ANGPT1: variants seen among roughly 807,000 people sequenced by gnomAD.
ANGPT1 encodes angiopoietin 1.
A neutral mutation model predicts 62.2 loss-of-function variants in ANGPT1; 17 were observed. The ratio of observed to expected loss-of-function variants is 0.27; its 90% confidence interval spans 0.19 to 0.41. The LOEUF is 0.41. ANGPT1 is among the 10% of genes least tolerant of loss of function. The pLI, the probability that ANGPT1 is intolerant of heterozygous loss-of-function variation, is 1.00. For synonymous variants in ANGPT1, 199 were observed against 198.9 expected (o/e 1.00, Z 0.00); for missense variants, 478 against 594.9 (o/e 0.80, Z 2.04).
At chr8:107,351,769 T>C (rs1815938204) in intron 1 of ANGPT1, among the ~76,000 whole-genome samples, 1 of 152,090 alleles carries the variant, frequency 6.6e-6, no homozygotes, top group Non-Finnish European at 1.5e-5. Flanking sequence ...CTCTCATTAG[T>C]TCTTACCTTT....
intron 6 of ANGPT1, among the ~76,000 whole-genome samples, chr8:107,290,545 T>C (rs2130164923): frequency 6.6e-6 from 1 of 152,266 alleles, no homozygotes; most frequent in East Asian, 1.9e-4. Flanking sequence ...ATTTTGTCTT[T>C]AGGTGAAAGA....
chr8:107,416,661 G>A (rs904986761), intron 1 of ANGPT1, among the ~76,000 whole-genome samples: 16 of 152,158 alleles, frequency 1.1e-4, no homozygotes, highest in Admixed American at 8.5e-4. Flanking sequence ...CTAATAGACT[G>A]AGAGGGGAAC....
At chr8:107,483,471 A>G (rs1166364888) in intron 1 of ANGPT1, among the ~76,000 whole-genome samples, 2 of 152,132 alleles carry the variant, frequency 1.3e-5, no homozygotes, top group Admixed American at 1.3e-4. Flanking sequence ...AGATACTGAC[A>G]GTTTCACCTT....
chr8:107,401,740 A>G (rs1254720894), intron 1 of ANGPT1, among the ~76,000 whole-genome samples: 1 of 152,216 alleles, frequency 6.6e-6, no homozygotes, highest in East Asian at 1.9e-4. Context: ...GAATGTACAC[A>G]TAACACTGCA....
At chr8:107,342,767 T>C (rs1391438659) in intron 2 of ANGPT1, among the ~76,000 whole-genome samples, 3 of 147,974 alleles carry the variant, frequency 2.0e-5, no homozygotes, top group African/African-American at 7.5e-5. Flanking sequence ...AACAAACTGT[T>C]CCTGAACTGC....
chr8:107,282,554 ATAT>A, intron 7 of ANGPT1, among the ~76,000 whole-genome samples: 1 of 10,358 alleles, frequency 9.7e-5, no homozygotes, highest in African/African-American at 3.1e-4. Flanking sequence ...TATATGAACC[ATAT>A]ATATATATAT....
intron 4 of ANGPT1, among the ~76,000 whole-genome samples, chr8:107,315,370 TTGTTATC>T (rs1173366104): frequency 1.3e-5 from 2 of 152,230 alleles, no homozygotes; most frequent in Middle Eastern, 3.4e-3. Flanking sequence ...CTACTTAAAG[TTGTTATC>T]TGTCCTTTCA....
chr8:107,253,761 A>T (rs1234334887), intron 8 of ANGPT1, among the ~76,000 whole-genome samples: 3 of 152,200 alleles, frequency 2.0e-5, no homozygotes, highest in African/African-American at 7.2e-5. Flanking sequence ...GGCAATAAAG[A>T]GCACAGGCTA....
intron 3 of ANGPT1, among the ~76,000 whole-genome samples, chr8:107,326,545 T>C (rs1325216289): frequency 2.0e-5 from 3 of 152,100 alleles, no homozygotes; most frequent in African/African-American, 7.2e-5. Context: ...AAAAGACTGC[T>C]CTCTTCTCTT....
At chr8:107,297,752 CAT>C (rs34606952) in intron 5 of ANGPT1, among the ~76,000 whole-genome samples, 20,244 of 145,962 alleles carry the variant, frequency 0.14, 1,574 homozygotes, top group East Asian at 0.35. Flanking sequence ...ATTATGTATG[CAT>C]ATATATATAT....
At chr8:107,334,127 G>A (rs544582966) in intron 3 of ANGPT1, among the ~76,000 whole-genome samples, 9 of 152,180 alleles carry the variant, frequency 5.9e-5, no homozygotes, top group African/African-American at 1.9e-4. Flanking sequence ...TTGTTTTGCA[G>A]TTAGGGAGGA....
intron 1 of ANGPT1, among the ~76,000 whole-genome samples, chr8:107,391,331 T>C (rs528727915): frequency 1.3e-5 from 2 of 152,214 alleles, no homozygotes; most frequent in Non-Finnish European, 2.9e-5. Flanking sequence ...ATTTTCCCAT[T>C]TATATTTTGT....
chr8:107,485,871 T>C (rs893820653), intron 1 of ANGPT1, among the ~76,000 whole-genome samples: 1 of 152,192 alleles, frequency 6.6e-6, no homozygotes, highest in Non-Finnish European at 1.5e-5. Context: ...CCTTTCTTTG[T>C]GTTTTAGAAG....
rs59247214 is a variant in ANGPT1, at chr8:107,299,391, G to GTATATA, written c.936+3843_936+3848dup. On this transcript the variant is annotated intron_variant, in intron 5 of 8. Transcript: ENST00000517746. ...TGTTGAAAAGAGTAAATGAAGGAGTGTATATATATATATATATATATATAT... is the reference window on the plus strand; with the variant it reads ...TGTTGAAAAGAGTAAATGAAGGAGTGTATATATATATATATATATATATATATATAT... Among the ~76,000 whole-genome samples, 664 of 112,540 alleles carry GTATATA rather than the reference G, an allele frequency of 5.9e-3. 4 individuals are homozygous for GTATATA. The highest frequency in any genetic ancestry group is 0.027 in the East Asian group (82 of 3,022). The allele number at this position is 112,540 out of a possible 152,430, so 73.8% of individuals were successfully genotyped here.
chr8:107,321,452 T>A (rs1324660529), intron 4 of ANGPT1, among the ~76,000 whole-genome samples: 1 of 152,124 alleles, frequency 6.6e-6, no homozygotes, highest in Non-Finnish European at 1.5e-5. Context: ...ACCCACAATT[T>A]CCTACCCCAT....
At chr8:107,431,704 C>T (rs925040233) in intron 1 of ANGPT1, among the ~76,000 whole-genome samples, 1 of 149,724 alleles carries the variant, frequency 6.7e-6, no homozygotes, top group Non-Finnish European at 1.5e-5. Context: ...TATCTACCTT[C>T]CTACCAGATT....
chr8:107,461,066 A>T (rs4734972), intron 1 of ANGPT1, among the ~76,000 whole-genome samples: 103,189 of 151,972 alleles, frequency 0.68, 35,206 homozygotes, highest in East Asian at 0.79. Context: ...TTATGGAAAG[A>T]TAATTTTATC....
intron 1 of ANGPT1, 93 bp from the exon 2 acceptor site, chr8:107,347,190 TG>T (rs1281934080): frequency 7.6e-7 from 1 of 1,316,840 alleles, no homozygotes; most frequent in Non-Finnish European, 1.0e-6. Context: ...AAGACACCGC[TG>T]GCAAATCAGC....
Position 107,251,865 on chromosome 8 carries a change from A to G in ANGPT1, c.1487T>C (p.Leu496Ser). 6.2e-7 allele frequency: 1 copy of G among 1,613,802 alleles called. No individual in the cohort carries two copies. The highest frequency in any genetic ancestry group is 8.5e-7 in the Non-Finnish European group (1 of 1,179,790). ...LRSTTMMIRP[L>S]DF ...TCTGACATTGCGCTTTCAAAAATCTAAAGGTCGAATCATCATAGTTGTGGA... is the reference window on the plus strand; with the variant it reads ...TCTGACATTGCGCTTTCAAAAATCTGAAGGTCGAATCATCATAGTTGTGGA... Residue 496 changes from leucine (L) to serine (S), a missense_variant, in exon 9 of 9, where the codon TTA becomes TCA. Physicochemically the swap from Leu to Ser is moderately radical, Grantham distance 145. Coordinates refer to ENST00000517746, the MANE Select transcript of ANGPT1 (RefSeq NM_001146.5).
Sources: allele counts gnomAD v4.1 joint callset (sites outside exome capture counted in the v4.1 genomes callset), GRCh38; gene constraint gnomAD v4.1.1; transcripts MANE v1.5; gene names NCBI Gene and HGNC (gene_info 2026-07-23, HGNC 2026-07-21).